EPB41L4A: variants seen among roughly 807,000 people sequenced by gnomAD.
EPB41L4A encodes the protein erythrocyte membrane protein band 4.1 like 4A.
Under a neutral mutation model 108.6 loss-of-function variants are expected in EPB41L4A, and 100 were observed. The observed-to-expected ratio is 0.92, with a 90% confidence interval of 0.78 to 1.09. The LOEUF (loss-of-function observed/expected upper bound fraction) is 1.09. EPB41L4A is among the 50% of genes least tolerant of loss of function. The pLI, the probability that EPB41L4A is intolerant of heterozygous loss-of-function variation, is 0.00. For synonymous variants in EPB41L4A, 319 were observed against 289.0 expected (o/e 1.10, Z -1.05); for missense variants, 1,030 against 842.7 (o/e 1.22, Z -2.75).
chr5:112,213,790 C>T (rs1383854878), intron 12 of EPB41L4A, among the ~76,000 whole-genome samples: 1 of 152,188 alleles, frequency 6.6e-6, no homozygotes, highest in Non-Finnish European at 1.5e-5. Flanking sequence ...CACTTAGAAG[C>T]ATTAACTTAC....
chr5:112,318,471 C>T (rs1755564378), intron 1 of EPB41L4A, among the ~76,000 whole-genome samples: 1 of 152,188 alleles, frequency 6.6e-6, no homozygotes, highest in Non-Finnish European at 1.5e-5. Flanking sequence ...CTTGAGAATA[C>T]ATAAGAAGTT....
In EPB41L4A at chr5:112,190,111, T is replaced by C. The variant is rs568200484; in HGVS notation, c.1502+4457A>G. Among the ~76,000 whole-genome samples, 4 of 152,312 alleles carry C rather than the reference T, an allele frequency of 2.6e-5. No individual in the cohort carries two copies. In the South Asian group the frequency reaches 8.3e-4, roughly 32 times the overall value. On this transcript the variant is annotated intron_variant, in intron 17 of 22. Transcript: ENST00000261486. ...ATATTCATGTAGATTAACTTTATAG[T>C]GCCTTGTACTAGGTAGGTTCCCAAC... is the stretch of plus-strand genomic sequence containing the variant.
At chr5:112,385,529 T>G (rs1007062413) in intron 1 of EPB41L4A, among the ~76,000 whole-genome samples, 1 of 134,568 alleles carries the variant, frequency 7.4e-6, no homozygotes, top group Non-Finnish European at 1.6e-5. Context: ...AAAAAAAAAG[T>G]AAATCCCATT....
chr5:112,182,069 A>C (rs2150231503), intron 18 of EPB41L4A, among the ~76,000 whole-genome samples: 1 of 152,208 alleles, frequency 6.6e-6, no homozygotes, highest in African/African-American at 2.4e-5. Flanking sequence ...AAAAAAAAAA[A>C]AGAAAAAGAA....
At chr5:112,325,442 T>TAAAA (rs11294749) in intron 1 of EPB41L4A, among the ~76,000 whole-genome samples, 1 of 103,508 alleles carries the variant, frequency 9.7e-6, no homozygotes, top group Non-Finnish European at 2.2e-5. Context: ...CTCCGTCTCA[T>TAAAA]AAAAAAAAAA....
At chr5:112,170,008 CTT>C (rs1160217750) in intron 20 of EPB41L4A, 1 of 345,142 alleles carries the variant, frequency 2.9e-6, no homozygotes, top group African/African-American at 2.2e-5. Flanking sequence ...GGATAAAAAA[CTT>C]TATCAGTGAG....
intron 1 of EPB41L4A, among the ~76,000 whole-genome samples, chr5:112,328,489 T>G (rs1365977624): frequency 2.0e-5 from 3 of 152,154 alleles, no homozygotes; most frequent in Non-Finnish European, 2.9e-5. Context: ...ACAAATGAAG[T>G]GATTTGGGAT....
intron 17 of EPB41L4A, among the ~76,000 whole-genome samples, chr5:112,185,220 C>A (rs1761368395): frequency 1.3e-5 from 2 of 152,008 alleles, no homozygotes; most frequent in Admixed American, 1.3e-4. Context: ...CATGGAATTG[C>A]CAGGCACTCA....
chr5:112,310,103 C>G (rs903841025), intron 1 of EPB41L4A, among the ~76,000 whole-genome samples: 3 of 152,190 alleles, frequency 2.0e-5, no homozygotes, highest in Non-Finnish European at 4.4e-5. Flanking sequence ...GCCTACAGAA[C>G]TGTGAAATAA....
chr5:112,364,176 G>A (rs1331007932), intron 1 of EPB41L4A, among the ~76,000 whole-genome samples: 2 of 152,126 alleles, frequency 1.3e-5, no homozygotes, highest in Non-Finnish European at 2.9e-5. Flanking sequence ...ACAGGCACCC[G>A]CCATCATGCC....
Position 112,155,370 on chromosome 5 carries a change from C to CA in EPB41L4A, n.994+3030dup, listed in dbSNP as rs200975853. On this transcript the variant is annotated intron_variant and non_coding_transcript_variant, in intron 12 of 13. Coordinates refer to the EPB41L4A transcript ENST00000507810. ...TCAATGCAACATTTTTAGCAACAAC[C>CA]AAAAAAAAAAAAGTGTATCAAATGC... Among the ~76,000 whole-genome samples the CA allele has an allele frequency of 3.8e-3, 528 of 139,170 alleles. 4 individuals are homozygous for CA. The highest frequency in any genetic ancestry group is 0.026 in the East Asian group (124 of 4,840). 91.3% of individuals were successfully genotyped at this position (139,170 alleles called of 152,430 possible). A position where few individuals can be genotyped will look rare whatever the true frequency, so the allele number is the denominator to read the frequency against.
intron 1 of EPB41L4A, among the ~76,000 whole-genome samples, chr5:112,311,255 T>G (rs988988038): frequency 6.6e-6 from 1 of 152,178 alleles, no homozygotes; most frequent in Admixed American, 6.5e-5. Flanking sequence ...GGCAGGCCAG[T>G]ATCCCAAGTA....
rs958290292 is a variant in EPB41L4A at position 112,307,653 on chromosome 5, G to T, written c.100-163C>A. Among the ~76,000 whole-genome samples the T allele has an allele frequency of 8.5e-5, 13 of 152,160 alleles. No homozygotes were observed. The East Asian group carries it at 2.5e-3, about 29-fold the overall frequency. ...GTGCCTCAATTATGAAGAAAAAAAC[G>T]TGATTTAAAGCAAAATGTATTATAG... On this transcript the variant is annotated intron_variant, in intron 1 of 22. Transcript: ENST00000261486.
intron 9 of EPB41L4A, among the ~76,000 whole-genome samples, chr5:112,248,181 A>C (rs1189148503): frequency 6.6e-6 from 1 of 152,214 alleles, no homozygotes; most frequent in East Asian, 1.9e-4. Context: ...AACAGGAGCC[A>C]GGTATTCTGA....
intron 1 of EPB41L4A, among the ~76,000 whole-genome samples, chr5:112,386,635 G>T (rs1356720167): frequency 6.6e-6 from 1 of 152,142 alleles, no homozygotes; most frequent in Admixed American, 6.5e-5. Context: ...ACAGACTATA[G>T]AAGAAAGTTT....
At chr5:112,179,464 A>T (rs1344883599) in intron 18 of EPB41L4A, among the ~76,000 whole-genome samples, 1 of 152,056 alleles carries the variant, frequency 6.6e-6, no homozygotes, top group Non-Finnish European at 1.5e-5. Flanking sequence ...AGCTACATAC[A>T]AAAAGGAAAA....
intron 2 of EPB41L4A, among the ~76,000 whole-genome samples, chr5:112,295,608 G>A (rs1327772560): frequency 6.6e-6 from 1 of 152,178 alleles, no homozygotes; most frequent in Admixed American, 6.5e-5. Context: ...ATAATCACAG[G>A]AGAAGCATAG....
At chr5:112,244,205 G>A (rs1452191471) in intron 9 of EPB41L4A, among the ~76,000 whole-genome samples, 1 of 152,214 alleles carries the variant, frequency 6.6e-6, no homozygotes, top group African/African-American at 2.4e-5. Context: ...CCTAAGGACA[G>A]GGAGAGAGAC....
chr5:112,192,309 G>T (rs1039809768), intron 17 of EPB41L4A: 4 of 152,156 alleles, frequency 2.6e-5, no homozygotes, highest in Non-Finnish European at 5.9e-5. Flanking sequence ...TGCAGTGGTG[G>T]GGATCAGAAC....
Sources: allele counts gnomAD v4.1 joint callset (sites outside exome capture counted in the v4.1 genomes callset), GRCh38; gene constraint gnomAD v4.1.1; transcripts MANE v1.5; gene names NCBI Gene and HGNC (gene_info 2026-07-23, HGNC 2026-07-21).